The following GPR174 variants were observed in gnomAD, a reference collection of about 807,000 sequenced individuals.
GPR174 encodes the protein G protein-coupled receptor 174.
GPR174 carries 8 observed loss-of-function variants against 16.5 expected under a neutral mutation model. That is an observed-to-expected ratio of 0.48 (90% CI 0.28 to 0.87). The LOEUF is 0.87. Among genes scored for constraint, GPR174 ranks in the 40% least tolerant of loss-of-function variants. The pLI, the probability that GPR174 is intolerant of heterozygous loss-of-function variation, is 0.09. For synonymous variants in GPR174, 111 were observed against 94.8 expected, an observed-to-expected ratio of 1.17 and a Z score of -0.99; for missense variants, 214 against 247.5, an observed-to-expected ratio of 0.86 and a Z score of 0.91.
At chrX:79,160,883 G>T (rs142678520) in intron 2 of GPR174, among the ~76,000 whole-genome samples, 2 of 111,557 alleles carry the variant, frequency 1.8e-5, no homozygotes, top group African/African-American at 6.5e-5. Context: ...CTAATGTTAG[G>T]AAGGGCAGGG....
intron 1 of GPR174, among the ~76,000 whole-genome samples, chrX:79,145,834 CTTGTTTATAAT>C (rs1163897255): frequency 6.3e-5 from 7 of 110,870 alleles, no homozygotes. Flanking sequence ...TTTAAGAAAA[CTTGTTTATAAT>C]GAGAGAAAGA....
chrX:79,158,328 G>A (rs747602249), intron 2 of GPR174, among the ~76,000 whole-genome samples: 1 of 108,282 alleles, frequency 9.2e-6, no homozygotes, highest in East Asian at 2.9e-4. Flanking sequence ...ATGAGACAGG[G>A]ATAAAAAATT....
In GPR174 at chrX:79,153,760, A is replaced by G. The variant is rs186358321; in HGVS notation, c.-653-3062A>G. On this transcript the variant is annotated intron_variant, in intron 1 of 2. Transcript: ENST00000645147. ...AAAGAGAAATAGCTACACACATAGT[A>G]TAGAATGTGTAGTAAGGAGGAAGTG... 4.0e-3 allele frequency among the ~76,000 whole-genome samples: 449 copies of G among 111,944 alleles called. 5 individuals carry two copies. In the South Asian group the frequency reaches 0.095, roughly 24 times the overall value.
Position 79,144,993 on chromosome X carries a change from TC to T in GPR174, c.-877del. ...CTTTCTTTCTTTTTCTTTCTTTCTT[TC>T]TCTCTCTCTCTCTTTCTTTCTTTCT... On this transcript the variant is annotated 5_prime_UTR_variant, in exon 1 of 3. Transcript: ENST00000645147. 2.3e-5 allele frequency: 1 copy of T among 42,937 alleles called. No homozygotes were observed. The highest frequency in any genetic ancestry group is 1.4e-3 in the East Asian group (1 of 724). 3.5% of individuals were successfully genotyped at this position (42,937 alleles called of 1,213,427 possible). A position where few individuals can be genotyped will look rare whatever the true frequency, so the allele number is the denominator to read the frequency against.
At chrX:79,163,190 A>G (rs1029095924) in intron 2 of GPR174, among the ~76,000 whole-genome samples, 3 of 112,275 alleles carry the variant, frequency 2.7e-5, no homozygotes, top group African/African-American at 9.7e-5. Context: ...TTTATCTGAT[A>G]AAGGCAACTG....
Position 79,172,196 on chromosome X carries a change from G to A in GPR174, c.*187G>A, listed in dbSNP as rs1921535913. On this transcript the variant is annotated 3_prime_UTR_variant, in exon 3 of 3. Coordinates refer to ENST00000645147, the MANE Select transcript of GPR174 (RefSeq NM_032553.3). ...AGCATTACGATCCACGATTATTGAT[G>A]TTGACATGTCCATGTAGTAATTTTT... 1 of 421,906 alleles carries A rather than the reference G, an allele frequency of 2.4e-6. No individual in the cohort carries two copies. Among genetic ancestry groups the A allele is most frequent in the Non-Finnish European group, 4.0e-6 (1 of 248,148 alleles). The allele number at this position is 421,906 out of a possible 1,213,427, so 34.8% of individuals were successfully genotyped here. A position where few individuals can be genotyped will look rare whatever the true frequency, so the allele number is the denominator to read the frequency against.
chrX:79,148,736 GGCCTT>G (rs746731467), intron 1 of GPR174, among the ~76,000 whole-genome samples: 35 of 111,277 alleles, frequency 3.1e-4, no homozygotes, highest in Non-Finnish European at 6.0e-4. Flanking sequence ...TGGAACTCCT[GGCCTT>G]GAGCAATCTC....
chrX:79,154,511 G>T (rs1233768992), intron 1 of GPR174, among the ~76,000 whole-genome samples: 5 of 111,563 alleles, frequency 4.5e-5, no homozygotes. Flanking sequence ...TCTTGGATTG[G>T]ATATGGAGCC....
Position 79,170,759 on chromosome X carries a change from C to A in GPR174, c.-249C>A. ...AAGAGGGGAAATTGTAACAGCTTGT[C>A]ATCTGTGCTTGTACACTAGACTTCC... On this transcript the variant is annotated 5_prime_UTR_variant, in exon 3 of 3. An upstream open reading frame in the 5' UTR gains an earlier in-frame stop. Coordinates refer to ENST00000645147, the MANE Select transcript of GPR174 (RefSeq NM_032553.3). 1 of 359,544 alleles carries A rather than the reference C, an allele frequency of 2.8e-6. No homozygotes were observed. The highest frequency in any genetic ancestry group is 6.5e-5 in the South Asian group (1 of 15,416). The allele number at this position is 359,544 out of a possible 1,213,427, so 29.6% of individuals were successfully genotyped here.
Position 79,161,152 on chromosome X carries a change from T to C in GPR174, c.-557+4234T>C, listed in dbSNP as rs148416472. Among the ~76,000 whole-genome samples, 520 of 111,979 alleles carry C rather than the reference T, an allele frequency of 4.6e-3. 3 individuals are homozygous for C. Among genetic ancestry groups the C allele is most frequent in the African/African-American group, 0.016 (500 of 30,846 alleles). ...CTGATATAATTGCTGAAACAAACAA[T>C]TGGCTTTCCAAACTGTCAGAGTTAT... On this transcript the variant is annotated intron_variant, in intron 2 of 2. Transcript: ENST00000645147.
intron 1 of GPR174, 105 bp downstream of exon 1, chrX:79,145,322 T>C (rs1247840607): frequency 2.7e-5 from 3 of 111,412 alleles, no homozygotes; most frequent in Admixed American, 9.6e-5. Flanking sequence ...TTGTCAAGTC[T>C]AAGCATGGTT....
chrX:79,158,442 C>CTTTTTTTT (rs1273588581), intron 2 of GPR174, among the ~76,000 whole-genome samples: 2 of 73,942 alleles, frequency 2.7e-5, no homozygotes, highest in African/African-American at 9.4e-5. Context: ...TTCTTTCTTT[C>CTTTTTTTT]TTTTTCTTTT....
intron 1 of GPR174, among the ~76,000 whole-genome samples, chrX:79,147,883 A>G (rs1451861296): frequency 1.8e-5 from 2 of 111,849 alleles, no homozygotes; most frequent in Non-Finnish European, 3.8e-5. Flanking sequence ...TGAGATCTGA[A>G]AATTAAAGTG....
intron 2 of GPR174, among the ~76,000 whole-genome samples, chrX:79,167,485 A>G (rs191361460): frequency 9.1e-6 from 1 of 110,285 alleles, no homozygotes; most frequent in East Asian, 2.8e-4. Flanking sequence ...AGTGGGTGGT[A>G]GGGGCAGGGA....
intron 2 of GPR174, among the ~76,000 whole-genome samples, chrX:79,157,762 C>T (rs1921132942): frequency 9.0e-6 from 1 of 111,104 alleles, no homozygotes; most frequent in African/African-American, 3.3e-5. Context: ...CTTTTTAGTT[C>T]TTTGTCTGGA....
Position 79,146,409 on chromosome X carries a change from T to C in GPR174, c.-654+1192T>C, listed in dbSNP as rs1203445473. ...TCATTCAGCAAAGAGTATTTTGTTT[T>C]TCCTTTAGCTTCTGTAGATATCAGA... On this transcript the variant is annotated intron_variant, in intron 1 of 2. Transcript: ENST00000645147. 4.4e-5 allele frequency among the ~76,000 whole-genome samples: 5 copies of C among 112,423 alleles called. No individual in the cohort carries two copies. In the Admixed American group the frequency reaches 4.7e-4, roughly 11 times the overall value.
chrX:79,166,432 CTTTTTTTTTT>C (rs1174620976), intron 2 of GPR174, among the ~76,000 whole-genome samples: 1 of 43,627 alleles, frequency 2.3e-5, no homozygotes, highest in African/African-American at 1.0e-4. Context: ...TTTCTTTTTT[CTTTTTTTTTT>C]TTTTTTTTTT....
intron 1 of GPR174, among the ~76,000 whole-genome samples, chrX:79,147,520 A>AAAAAC (rs397957861): frequency 9.5e-6 from 1 of 104,746 alleles, no homozygotes; most frequent in Non-Finnish European, 2.0e-5. Context: ...AAAAAAAAAA[A>AAAAAC]CCCAAAGTGC....
chrX:79,173,381 C>T lies in GPR174; in HGVS notation c.*1372C>T, dbSNP rs1387262558. Reference sequence around the variant, plus strand: ...TGGGAAACAGACCCAGGATATTAGTCGTAATTAAACCTTAGGTTGTAAGTA... The same window carrying T: ...TGGGAAACAGACCCAGGATATTAGTTGTAATTAAACCTTAGGTTGTAAGTA... On this transcript the variant is annotated 3_prime_UTR_variant, in exon 3 of 3. Coordinates refer to ENST00000645147, the MANE Select transcript of GPR174 (RefSeq NM_032553.3). The T allele has an allele frequency of 8.9e-6, 1 of 111,915 alleles. No homozygotes were observed. The highest frequency in any genetic ancestry group is 3.7e-4 in the South Asian group (1 of 2,717). 9.2% of individuals were successfully genotyped at this position (111,915 alleles called of 1,213,427 possible).
Sources: gnomAD v4.1 joint callset for allele counts (sites outside exome capture counted in the v4.1 genomes callset) on GRCh38, gnomAD v4.1.1 for gene constraint, MANE v1.5 for transcripts, NCBI Gene and HGNC (gene_info 2026-07-23, HGNC 2026-07-21) for gene names.